The following DMD variants were observed in gnomAD, a reference collection of about 807,000 sequenced individuals.
DMD encodes mutant dystrophin.
In DMD, 63 loss-of-function variants were observed where a neutral mutation model predicts 330.1. The ratio of observed to expected loss-of-function variants is 0.19; its 90% CI spans 0.16 to 0.24. The LOEUF (loss-of-function observed/expected upper bound fraction) is 0.24. Ranked by LOEUF, DMD falls within the 10% of genes least tolerant of loss-of-function variation. The pLI is 1.00. For synonymous variants in DMD, 1,223 were observed against 959.8 expected (o/e 1.27, Z -5.07); for missense variants, 3,344 against 2,684.1 (o/e 1.25, Z -5.43).
intron 2 of DMD, among the ~76,000 whole-genome samples, chrX:32,936,297 G>A (rs1159589691): frequency 2.7e-5 from 3 of 110,922 alleles, no homozygotes; most frequent in African/African-American, 9.8e-5. Context: ...TTTTAGTAGA[G>A]ATGGGCTTTT....
intron 44 of DMD, among the ~76,000 whole-genome samples, chrX:31,970,561 T>C (rs1406212381): frequency 1.8e-5 from 2 of 110,279 alleles, no homozygotes; most frequent in East Asian, 2.9e-4. Context: ...CTGGGTCAAT[T>C]TGGAATTTAA....
chrX:32,354,938 T>C (rs2097793920), intron 37 of DMD, among the ~76,000 whole-genome samples: 1 of 111,540 alleles, frequency 9.0e-6, no homozygotes, highest in Non-Finnish European at 1.9e-5. Context: ...CTTTTTGGAG[T>C]AGGAAATGAA....
At chrX:32,433,909 C>T (rs985464470) in intron 29 of DMD, among the ~76,000 whole-genome samples, 4 of 111,578 alleles carry the variant, frequency 3.6e-5, no homozygotes, top group African/African-American at 9.8e-5. Flanking sequence ...TGATTTGGTA[C>T]GTCTGTTGGA....
At chrX:31,291,891 C>G (rs1335151388) in intron 62 of DMD, among the ~76,000 whole-genome samples, 3 of 111,003 alleles carry the variant, frequency 2.7e-5, no homozygotes, top group Non-Finnish European at 3.8e-5. Context: ...GCATCAAGTA[C>G]TGGGCCAACT....
chrX:32,205,378 A>C (rs2097063463), intron 44 of DMD, among the ~76,000 whole-genome samples: 2 of 107,192 alleles, frequency 1.9e-5, no homozygotes, highest in African/African-American at 6.9e-5. Flanking sequence ...ACTTTTTCTC[A>C]TTTTCATGGA....
chrX:32,771,542 C>T (rs1237843819), intron 7 of DMD, among the ~76,000 whole-genome samples: 1 of 101,320 alleles, frequency 9.9e-6, no homozygotes, highest in Admixed American at 1.0e-4. Context: ...ACTACTCCTT[C>T]TGTGCCCCAA....
intron 30 of DMD, among the ~76,000 whole-genome samples, chrX:32,410,167 A>G (rs1217487993): frequency 1.8e-5 from 2 of 110,823 alleles, no homozygotes; most frequent in African/African-American, 6.6e-5. Flanking sequence ...ATCAAGACAA[A>G]TTAAAAATTG....
At chrX:32,995,676 T>C (rs1192909222) in intron 2 of DMD, among the ~76,000 whole-genome samples, 1 of 112,432 alleles carries the variant, frequency 8.9e-6, no homozygotes, top group East Asian at 2.8e-4. Context: ...TAGACTTGTA[T>C]GGTAGTTACA....
chrX:33,027,954 T>C (rs1028124815), intron 1 of DMD, among the ~76,000 whole-genome samples: 2 of 111,716 alleles, frequency 1.8e-5, no homozygotes, highest in African/African-American at 6.5e-5. Flanking sequence ...GAGATGACCC[T>C]AGAAAAAGTG....
intron 18 of DMD, among the ~76,000 whole-genome samples, chrX:32,511,319 G>A (rs2045284905): frequency 9.1e-6 from 1 of 109,302 alleles, no homozygotes; most frequent in Admixed American, 9.8e-5. Flanking sequence ...GTCAGGAGAT[G>A]GAGACCATCC....
chrX:31,492,921 T>C (rs1365437565), intron 57 of DMD, among the ~76,000 whole-genome samples: 2 of 110,855 alleles, frequency 1.8e-5, no homozygotes, highest in Admixed American at 1.9e-4. Context: ...AAATACCTAA[T>C]GTAGATGACG....
intron 2 of DMD, among the ~76,000 whole-genome samples, chrX:32,940,261 TA>T (rs751042115): frequency 8.9e-6 from 1 of 111,823 alleles, no homozygotes; most frequent in East Asian, 2.8e-4. Flanking sequence ...TTGCTGAGAG[TA>T]AATTGTAAGT....
intron 2 of DMD, among the ~76,000 whole-genome samples, chrX:32,867,675 A>G (rs2082621801): frequency 8.9e-6 from 1 of 112,127 alleles, no homozygotes; most frequent in Non-Finnish European, 1.9e-5. Flanking sequence ...CTTTCCAAAA[A>G]TATTGAACCA....
rs148590546 is a variant in DMD, at chrX:31,146,376, G to C, written c.10836C>G (p.Ser3612=). Residue 3612 remains serine (S), a synonymous_variant, in exon 76 of 79, where the codon TCC becomes TCG. Transcript: ENST00000357033. Reference sequence around the variant, plus strand: ...ACCTCTGTAGAGAGGTAGAAGGAGAGGACACCGTTGTGCCATTCACTTTGG... The same window carrying C: ...ACCTCTGTAGAGAGGTAGAAGGAGACGACACCGTTGTGCCATTCACTTTGG... ...AEAKVNGTTV[S]SPSTSLQRSD... is the part of the protein sequence containing the mutation. 1 of 1,210,284 alleles carries C rather than the reference G, an allele frequency of 8.3e-7. No homozygotes were observed. Among genetic ancestry groups the C allele is most frequent in the Non-Finnish European group, 1.1e-6 (1 of 894,372 alleles).
intron 44 of DMD, among the ~76,000 whole-genome samples, chrX:32,198,040 T>C (rs779720281): frequency 5.2e-4 from 58 of 111,861 alleles, no homozygotes; most frequent in African/African-American, 1.7e-3. Context: ...AGACTTTTAA[T>C]GATACCAGGT....
At chrX:32,191,354 G>A (rs73458037) in intron 44 of DMD, among the ~76,000 whole-genome samples, 1,730 of 111,773 alleles carry the variant, frequency 0.015, 31 homozygotes, top group African/African-American at 0.054. Context: ...ACACAGCGTC[G>A]AGGCTTCTCA....
intron 1 of DMD, among the ~76,000 whole-genome samples, chrX:33,198,758 T>C (rs2051102935): frequency 9.0e-6 from 1 of 110,894 alleles, no homozygotes; most frequent in Admixed American, 9.7e-5. Context: ...ATTAGTCACG[T>C]ACATACATAT....
At chrX:32,867,204 A>G (rs1416471975) in intron 2 of DMD, among the ~76,000 whole-genome samples, 1 of 109,905 alleles carries the variant, frequency 9.1e-6, no homozygotes, top group Admixed American at 9.7e-5. Context: ...TTTTTCTCCC[A>G]TTTGCTAGAT....
chrX:31,613,120 T>C (rs1312362671), intron 55 of DMD, among the ~76,000 whole-genome samples: 1 of 112,239 alleles, frequency 8.9e-6, no homozygotes, highest in East Asian at 2.8e-4. Flanking sequence ...GTGTCATTTA[T>C]AAGAAACTTT....
Sources: gnomAD v4.1 joint callset for allele counts (sites outside exome capture counted in the v4.1 genomes callset) on GRCh38, gnomAD v4.1.1 for gene constraint, MANE v1.5 for transcripts, NCBI Gene and HGNC (gene_info 2026-07-23, HGNC 2026-07-21) for gene names.